Variants in RASGEF1A observed in about 807,000 individuals in gnomAD.
RASGEF1A encodes the protein ras-GEF domain-containing family member 1A.
RASGEF1A carries 18 observed loss-of-function variants against 56.4 expected under a neutral mutation model. The ratio of observed to expected loss-of-function variants is 0.32; its 90% confidence interval spans 0.22 to 0.47. The LOEUF (loss-of-function observed/expected upper bound fraction) is 0.47. Among genes scored for constraint, RASGEF1A ranks in the 20% least tolerant of loss-of-function variants. RASGEF1A has a pLI of 1.00. For synonymous variants in RASGEF1A, 245 were observed against 242.6 expected (o/e 1.01, Z -0.09); for missense variants, 422 against 627.1 (o/e 0.67, Z 3.49).
chr10:43,255,346 A>G (rs1840676408), intron 1 of RASGEF1A, among the ~76,000 whole-genome samples: 1 of 152,006 alleles, frequency 6.6e-6, no homozygotes, highest in African/African-American at 2.4e-5. Context: ...CTGGGCCTGG[A>G]CGGCTCCAGG....
rs766715155 is a variant in RASGEF1A, at chr10:43,196,971, C to T, written c.1348+5G>A. The T allele has an allele frequency of 1.9e-6, 3 of 1,612,954 alleles. No homozygotes were observed. Among genetic ancestry groups the T allele is most frequent in the East Asian group, 4.5e-5 (2 of 44,874 alleles). On this transcript the variant is annotated splice_donor_5th_base_variant and intron_variant, in intron 11 of 12. Coordinates refer to ENST00000395810, the MANE Select transcript of RASGEF1A (RefSeq NM_145313.4). This position sits in a 1 kb window ranked among gnomAD's most constrained non-coding sequence, Gnocchi z 4.6. ...AGGCATGCTGCGTTGGGAGGCAGCC[C>T]TCACCTTCCTCGCTGTAGATGGGCG...
intron 5 of RASGEF1A, 36 bp downstream of exon 5, chr10:43,200,631 C>T (rs753259217): frequency 5.1e-6 from 8 of 1,572,028 alleles, no homozygotes; most frequent in Middle Eastern, 2.2e-4. Context: ...GGTCCCACAG[C>T]CCCCACCCCC....
At chr10:43,263,133 G>A (rs949090940) in intron 1 of RASGEF1A, among the ~76,000 whole-genome samples, 8 of 152,274 alleles carry the variant, frequency 5.3e-5, no homozygotes, top group African/African-American at 1.4e-4. Flanking sequence ...GGATCAGCAC[G>A]GAGGAGGGAA....
chr10:43,197,431 C>T (rs187026343), intron 10 of RASGEF1A, among the ~76,000 whole-genome samples: 109 of 152,326 alleles, frequency 7.2e-4, no homozygotes, highest in Non-Finnish European at 1.2e-3. Flanking sequence ...CCCAGCCCAG[C>T]GGCGCCAACC....
At chr10:43,243,467 C>T (rs545205082) in intron 1 of RASGEF1A, among the ~76,000 whole-genome samples, 3 of 142,410 alleles carry the variant, frequency 2.1e-5, no homozygotes, top group South Asian at 2.3e-4. Flanking sequence ...AAGTGAGGGG[C>T]GTCTTTACCC....
At chr10:43,226,403 T>C (rs1840280610) in intron 1 of RASGEF1A, among the ~76,000 whole-genome samples, 1 of 151,894 alleles carries the variant, frequency 6.6e-6, no homozygotes, top group East Asian at 1.9e-4. Context: ...GCCATTGCAC[T>C]CCAGTCTGGG....
At chr10:43,238,200 G>A (rs550771500) in intron 1 of RASGEF1A, among the ~76,000 whole-genome samples, 3 of 151,978 alleles carry the variant, frequency 2.0e-5, no homozygotes, top group South Asian at 2.1e-4. Flanking sequence ...GACTTAAAGG[G>A]GTCTTCAGGG....
chr10:43,235,982 T>A (rs1409282682), intron 1 of RASGEF1A, among the ~76,000 whole-genome samples: 1 of 151,868 alleles, frequency 6.6e-6, no homozygotes, highest in Admixed American at 6.6e-5. Context: ...AGCAGAGACC[T>A]GCACAAAGTG....
chr10:43,235,547 G>T (rs1433147186), intron 1 of RASGEF1A, among the ~76,000 whole-genome samples: 1 of 152,184 alleles, frequency 6.6e-6, no homozygotes, highest in African/African-American at 2.4e-5. Context: ...TCTCAAACCT[G>T]ACCACACTGC....
chr10:43,198,205 C>T lies in RASGEF1A; in HGVS notation c.1033-10G>A. ...ACGGGTCCATGTGATGCTGTGGGCACAGGGAGGACCTGGTGAGCATCACAG... is the reference window on the plus strand; with the variant it reads ...ACGGGTCCATGTGATGCTGTGGGCATAGGGAGGACCTGGTGAGCATCACAG... On this transcript the variant is annotated splice_polypyrimidine_tract_variant and intron_variant, in intron 9 of 12. Transcript: ENST00000395810. The T allele has an allele frequency of 1.2e-6, 2 of 1,601,238 alleles. No individual in the cohort carries two copies. The highest frequency in any genetic ancestry group is 1.7e-6 in the Non-Finnish European group (2 of 1,170,542).
intron 1 of RASGEF1A, among the ~76,000 whole-genome samples, chr10:43,221,081 A>C (rs193136932): frequency 1.6e-3 from 243 of 152,248 alleles, no homozygotes; most frequent in African/African-American, 5.6e-3. Context: ...AGGCCACCAG[A>C]CGCCCTGCTG....
chr10:43,242,479 T>A (rs564367026), intron 1 of RASGEF1A, among the ~76,000 whole-genome samples: 1 of 151,544 alleles, frequency 6.6e-6, no homozygotes, highest in South Asian at 2.1e-4. Flanking sequence ...GTAGGTCAGT[T>A]AAAAAAAAAT....
At chr10:43,251,834 T>C (rs1349946999) in intron 1 of RASGEF1A, among the ~76,000 whole-genome samples, 1 of 152,140 alleles carries the variant, frequency 6.6e-6, no homozygotes, top group African/African-American at 2.4e-5. Context: ...AGCACTGGTG[T>C]GGACCAGACC....
intron 1 of RASGEF1A, among the ~76,000 whole-genome samples, chr10:43,254,313 AC>A (rs1034676613): frequency 1.3e-5 from 2 of 151,626 alleles, no homozygotes; most frequent in African/African-American, 2.4e-5. Flanking sequence ...ATGTAGGTAG[AC>A]CCCCCCAGTG....
At chr10:43,262,675 G>A (rs1836556680) in intron 1 of RASGEF1A, among the ~76,000 whole-genome samples, 5 of 152,234 alleles carry the variant, frequency 3.3e-5, no homozygotes, top group Admixed American at 6.5e-5. Context: ...CACCCAAGGC[G>A]GCTGCTGCAG....
At chr10:43,229,686 C>T (rs987308177) in intron 1 of RASGEF1A, 3 of 1,462,530 alleles carry the variant, frequency 2.1e-6, no homozygotes, top group Admixed American at 2.4e-5. Context: ...CCGTCCTGCC[C>T]GGTCCGGCGT....
At chr10:43,238,064 G>A (rs1840454112) in intron 1 of RASGEF1A, among the ~76,000 whole-genome samples, 1 of 128,682 alleles carries the variant, frequency 7.8e-6, no homozygotes, top group Non-Finnish European at 1.6e-5. Flanking sequence ...AGGAGGATTA[G>A]CCATCATAGA....
At chr10:43,217,824 C>A (rs1440670324) in intron 1 of RASGEF1A, among the ~76,000 whole-genome samples, 3 of 152,234 alleles carry the variant, frequency 2.0e-5, no homozygotes, top group Admixed American at 2.0e-4. Flanking sequence ...CCCCCAACCA[C>A]CCAGCCAACA....
intron 1 of RASGEF1A, among the ~76,000 whole-genome samples, chr10:43,266,487 G>A (rs1178934452): frequency 6.6e-6 from 1 of 151,512 alleles, no homozygotes; most frequent in Non-Finnish European, 1.5e-5. Context: ...GCCAGGCCCC[G>A]GGCAGCGAAC....
Sources: allele counts gnomAD v4.1 joint callset (sites outside exome capture counted in the v4.1 genomes callset), GRCh38; gene constraint gnomAD v4.1.1; non-coding constraint Gnocchi (gnomAD v3.1); transcripts MANE v1.5; gene names NCBI Gene and HGNC (gene_info 2026-07-23, HGNC 2026-07-21).